CCDC191: variants seen among roughly 807,000 people sequenced by gnomAD.
CCDC191 encodes coiled-coil domain-containing protein 191.
CCDC191 carries 99 observed loss-of-function variants against 114.0 expected under a neutral mutation model. The observed-to-expected ratio is 0.87, with a 90% CI of 0.74 to 1.03. CCDC191 has a LOEUF of 1.03. Ranked by LOEUF, CCDC191 falls within the 50% of genes least tolerant of loss-of-function variation. The pLI is 0.00. For missense variants in CCDC191, 973 were observed against 1,087.0 expected, an observed-to-expected ratio of 0.90 and a Z score of 1.47; for synonymous variants, 351 against 376.0, an observed-to-expected ratio of 0.93 and a Z score of 0.77.
At chr3:114,028,298 T>TTTTTTA (rs2076353890) in intron 7 of CCDC191, among the ~76,000 whole-genome samples, 2 of 149,646 alleles carry the variant, frequency 1.3e-5, no homozygotes, top group Admixed American at 1.3e-4. Context: ...TTTTTTTTTT[T>TTTTTTA]TTATCGAGAC....
chr3:113,993,476 T>C (rs1417763128), intron 13 of CCDC191, among the ~76,000 whole-genome samples: 1 of 152,128 alleles, frequency 6.6e-6, no homozygotes, highest in African/African-American at 2.4e-5. Context: ...GGCAAATATA[T>C]AAAAATAATT....
At chr3:113,972,680 T>C (rs1940942617) in intron 16 of CCDC191, among the ~76,000 whole-genome samples, 1 of 152,196 alleles carries the variant, frequency 6.6e-6, no homozygotes, top group Non-Finnish European at 1.5e-5. Context: ...TGAAGTCCCC[T>C]ATGATTGTAT....
At chr3:113,972,752 A>G (rs990841588) in intron 16 of CCDC191, among the ~76,000 whole-genome samples, 2 of 152,118 alleles carry the variant, frequency 1.3e-5, no homozygotes, top group Non-Finnish European at 2.9e-5. Flanking sequence ...TTGAGTGCAT[A>G]GATATTTATA....
At position 114,046,653 on chromosome 3, in the gene CCDC191, C is replaced by T. The variant is rs748065523; in HGVS notation, c.209G>A (p.Gly70Asp). The part of the protein sequence containing the change: ...RNSDLPRSPW[G>D]QITDLKTSEQ... ...AGATGTTTTCAAATCTGTGATTTGG[C>T]CCCAGGGACTTCTAGGTAAATCTGA... The change falls in exon 3 of 17, where the codon GGC becomes GAC. Residue 70 changes from glycine to aspartate, a missense_variant. By Grantham distance (94) the Gly-to-Asp change is moderately conservative. Coordinates refer to ENST00000295878, the MANE Select transcript of CCDC191 (RefSeq NM_020817.2). 8.1e-6 allele frequency: 13 copies of T among 1,612,022 alleles called. No individual in the cohort carries two copies. The highest frequency in any genetic ancestry group is 1.1e-5 in the Non-Finnish European group (13 of 1,178,410).
At chr3:114,047,794 G>A (rs1360260260) in intron 2 of CCDC191, among the ~76,000 whole-genome samples, 1 of 151,752 alleles carries the variant, frequency 6.6e-6, no homozygotes, top group East Asian at 1.9e-4. Flanking sequence ...GGCCAACACG[G>A]TGAAACCCTG....
Position 113,978,062 on chromosome 3 carries a change from T to C in CCDC191, c.2606+124A>G, listed in dbSNP as rs538191597. ...GCTGGTGAGCCGGGACTCCCACCCC[T>C]GACTGGTGTTTCCCCGCTCTCCTAG... On this transcript the variant is annotated intron_variant, in intron 16 of 16. Transcript: ENST00000295878. 1.0e-4 allele frequency: 108 copies of C among 1,039,252 alleles called. No individual in the cohort carries two copies. The African/African-American group carries it at 1.5e-3, about 15-fold the overall frequency. The allele number at this position is 1,039,252 out of a possible 1,614,324, so 64.4% of individuals were successfully genotyped here.
In CCDC191 at chr3:114,036,623, C is replaced by A; in HGVS notation, c.579G>T (p.Glu193Asp). Residue 193 changes from glutamate to aspartate, a missense_variant, in exon 5 of 17, where the codon GAG becomes GAT. Transcript: ENST00000295878. Reference sequence around the variant, plus strand: ...TCCCTCCCACCTGCTTATGTCTCATCTCCATGGTAAGACGAGGATCCTTCT... The same window carrying A: ...TCCCTCCCACCTGCTTATGTCTCATATCCATGGTAAGACGAGGATCCTTCT... ...KQQKDPRLTM[E>D]MRHKQVKENR... The A allele has an allele frequency of 6.3e-7, 1 of 1,598,688 alleles. No individual in the cohort carries two copies.
intron 4 of CCDC191, among the ~76,000 whole-genome samples, chr3:114,041,101 A>G (rs925847007): frequency 1.3e-5 from 2 of 152,140 alleles, no homozygotes; most frequent in African/African-American, 4.8e-5. Context: ...AATCTAAGTA[A>G]AGGGATATAA....
chr3:114,005,796 G>A lies in CCDC191; in HGVS notation c.1580C>T (p.Pro527Leu). The A allele has an allele frequency of 1.2e-6, 2 of 1,614,030 alleles. No individual in the cohort carries two copies. Among genetic ancestry groups the A allele is most frequent in the Middle Eastern group, 1.6e-4 (1 of 6,062 alleles). The stretch of plus-strand genomic sequence containing the variant: ...CTCGTTGCTGCCAGGCTGTTGAGAG[G>A]GTTCAGCACCCAGGGTCTTGTGCTG... ...NKQHKTLGAE[P>L]SQQPGSNETL... The change falls in exon 10 of 17, where the codon CCC becomes CTC. Residue 527 changes from proline to leucine, a missense_variant. Physicochemically the swap from Pro to Leu is moderately conservative, Grantham distance 98. Transcript: ENST00000295878.
chr3:113,983,486 T>C (rs2075245512), intron 13 of CCDC191, among the ~76,000 whole-genome samples: 1 of 152,172 alleles, frequency 6.6e-6, no homozygotes, highest in Non-Finnish European at 1.5e-5. Context: ...CCCCGCCAAC[T>C]AGACACTGTG....
chr3:113,965,490 A>G, intron 16 of CCDC191, 131 bp from the exon 17 acceptor site: 1 of 510,552 alleles, frequency 2.0e-6, no homozygotes, highest in South Asian at 3.8e-5. Flanking sequence ...GGAAATCACA[A>G]TCGGGATTAT....
chr3:114,031,724 G>C lies in CCDC191; in HGVS notation c.874C>G (p.Gln292Glu), dbSNP rs2076407305. Residue 292 changes from glutamine to glutamate, a missense_variant, in exon 7 of 17, where the codon CAA becomes GAA. Coordinates refer to ENST00000295878, the MANE Select transcript of CCDC191 (RefSeq NM_020817.2). ...TCATCTGGAAGAATGTGAGTACTTT[G>C]AAACATGACTTTTTCTGAACTATTT... ...SQNSSEKVMFQSTHILPDEEK... is the reference protein window; with the variant it reads ...SQNSSEKVMFESTHILPDEEK... The C allele has an allele frequency of 1.9e-6, 3 of 1,545,786 alleles. No homozygotes were observed. The South Asian group carries it at 3.4e-5, about 17-fold the overall frequency.
intron 4 of CCDC191, among the ~76,000 whole-genome samples, chr3:114,040,477 A>G (rs1177025386): frequency 6.6e-6 from 1 of 152,080 alleles, no homozygotes; most frequent in Non-Finnish European, 1.5e-5. Context: ...TGACTCTTTT[A>G]TCGTTAGAAA....
At chr3:113,984,166 A>G (rs1330906878) in intron 13 of CCDC191, 1 of 152,142 alleles carries the variant, frequency 6.6e-6, no homozygotes. Flanking sequence ...ATCTCATAAT[A>G]TCTCTCCAAA....
At chr3:113,988,042 A>G (rs1030768486) in intron 13 of CCDC191, among the ~76,000 whole-genome samples, 1 of 148,178 alleles carries the variant, frequency 6.7e-6, no homozygotes, top group Non-Finnish European at 1.5e-5. Flanking sequence ...ACTCCATCTC[A>G]ATATATATAT....
intron 6 of CCDC191, 143 bp from the exon 7 acceptor site, chr3:114,031,922 G>A: frequency 2.1e-5 from 11 of 523,396 alleles, no homozygotes; most frequent in South Asian, 5.8e-5. Flanking sequence ...TACATAGTAG[G>A]GTAATTTTTT....
intron 13 of CCDC191, among the ~76,000 whole-genome samples, chr3:113,988,426 A>G (rs1228216155): frequency 6.6e-6 from 1 of 152,060 alleles, no homozygotes; most frequent in Non-Finnish European, 1.5e-5. Context: ...CAGGAGTTCG[A>G]GACCAGCCTG....
intron 11 of CCDC191, 58 bp downstream of exon 11, chr3:114,004,579 C>T (rs1485965308): frequency 3.2e-6 from 5 of 1,583,542 alleles, no homozygotes; most frequent in Non-Finnish European, 4.3e-6. Context: ...CCAGTGTACA[C>T]ATTCTACTCT....
intron 13 of CCDC191, among the ~76,000 whole-genome samples, chr3:113,989,391 T>G (rs920704402): frequency 2.0e-5 from 3 of 152,200 alleles, no homozygotes; most frequent in Admixed American, 1.3e-4. Context: ...GAACATTCAC[T>G]GAGATAGACA....
Sources: allele counts gnomAD v4.1 joint callset (sites outside exome capture counted in the v4.1 genomes callset), GRCh38; gene constraint gnomAD v4.1.1; transcripts MANE v1.5; gene names NCBI Gene and HGNC (gene_info 2026-07-23, HGNC 2026-07-21).